MYO1C: variants seen among roughly 807,000 people sequenced by gnomAD.
The protein encoded by MYO1C is myosin IC.
Under a neutral mutation model 150.8 loss-of-function variants are expected in MYO1C, and 104 were observed. The ratio of observed to expected loss-of-function variants is 0.69; its 90% CI spans 0.59 to 0.81. MYO1C has a LOEUF of 0.81. Among genes scored for constraint, MYO1C ranks in the 30% least tolerant of loss-of-function variants. The pLI is 0.00. For missense variants in MYO1C, 1,504 were observed against 1,435.0 expected, an observed-to-expected ratio of 1.05 and a Z score of -0.78; for synonymous variants, 663 against 579.9, an observed-to-expected ratio of 1.14 and a Z score of -2.06.
In MYO1C at chr17:1,470,624, A is replaced by T. The variant is rs147853225; in HGVS notation, c.2278T>A (p.Ser760Thr). 6.2e-7 allele frequency: 1 copy of T among 1,611,472 alleles called. No homozygotes were observed. ...WRQKFLRVKRSAICIQSWWRG... is the reference protein window; with the variant it reads ...WRQKFLRVKRTAICIQSWWRG... ...GAACACCCATGGGCCCGCGAACCTG[A>T]TCTCTTCACCCGGAGGAATTTCTGC... is the stretch of plus-strand genomic sequence containing the variant. The change falls in exon 22 of 32, where the codon TCA becomes ACA. Residue 760 changes from serine (S) to threonine (T), a missense_variant. Ser to Thr is a moderately conservative substitution (Grantham distance 58). Transcript: ENST00000648651.
At chr17:1,466,285 T>C (rs7225098) in intron 31 of MYO1C, among the ~76,000 whole-genome samples, 1,690 of 151,784 alleles carry the variant, frequency 0.011, 34 homozygotes, top group African/African-American at 0.039. Flanking sequence ...CTCAGGCTTC[T>C]GAGCAACTGG....
chr17:1,491,315 G>A (rs529873539), intron 1 of MYO1C: 2 of 152,744 alleles, frequency 1.3e-5, no homozygotes, highest in Non-Finnish European at 2.9e-5. Context: ...AGGCGGAGCA[G>A]GGCTGCGGGC....
chr17:1,488,840 T>C (rs2074697430), intron 1 of MYO1C, among the ~76,000 whole-genome samples: 1 of 152,202 alleles, frequency 6.6e-6, no homozygotes, highest in Non-Finnish European at 1.5e-5. Context: ...AGGCTGCCTC[T>C]GGGTCTTCTC....
intron 31 of MYO1C, among the ~76,000 whole-genome samples, 185 bp from the exon 32 acceptor site, chr17:1,465,937 G>C (rs1314952597): frequency 3.3e-5 from 5 of 152,128 alleles, no homozygotes; most frequent in African/African-American, 7.2e-5. Context: ...TAAGAGTTGG[G>C]ATTACAGGCG....
rs2074226872 is a variant in MYO1C, at chr17:1,468,419, GA to G, written c.2687del (p.Phe896SerfsTer31). 7.4e-6 allele frequency: 12 copies of G among 1,614,110 alleles called. No homozygotes were observed. Among genetic ancestry groups the G allele is most frequent in the Non-Finnish European group, 8.5e-6 (10 of 1,179,970 alleles). On this transcript the variant is annotated frameshift_variant, in exon 26 of 32. Transcript: ENST00000648651. LOFTEE classifies it high-confidence loss of function. The part of the protein sequence containing the change: ...DNYPQSVPRL[F>X]ISTRLGTDEI... ...GGGGCTCACCAAGCCGAGTGCTGAT[GA>G]AGAGCCTGGGTACACTCTGAGGGTA...
chr17:1,481,807 C>T (rs951980319), intron 5 of MYO1C, among the ~76,000 whole-genome samples: 2 of 147,610 alleles, frequency 1.4e-5, no homozygotes, highest in African/African-American at 5.1e-5. Flanking sequence ...AGCCCGATGA[C>T]TCCCCTTCTA....
At chr17:1,484,959 C>G in intron 1 of MYO1C, 1 of 489,568 alleles carries the variant, frequency 2.0e-6, no homozygotes, top group Non-Finnish European at 3.9e-6. Context: ...AGGGGTTCCC[C>G]CAGAGGGCCT....
Position 1,484,259 on chromosome 17 carries a change from G to C in MYO1C, c.120C>G (p.Leu40=), listed in dbSNP as rs747884431. 1 of 1,612,258 alleles carries C rather than the reference G, an allele frequency of 6.2e-7. No individual in the cohort carries two copies. The highest frequency in any genetic ancestry group is 1.1e-5 in the South Asian group (1 of 91,080). The change falls in exon 2 of 32, where the codon CTC becomes CTG. Residue 40 remains leucine, a synonymous_variant. Transcript: ENST00000648651. ...DGVRVTMESA[L]TARDRVGVQD... The stretch of plus-strand genomic sequence containing the variant: ...GCACCCCCACCCGGTCACGGGCGGT[G>C]AGCGCACTCTCCATGGTCACCCGAA...
In MYO1C at chr17:1,483,683, C is replaced by T; in HGVS notation, c.274G>A (p.Asp92Asn). The change falls in exon 3 of 32, where the codon GAC becomes AAC. Residue 92 changes from aspartate (D) to asparagine (N), a missense_variant. Asp to Asn is a conservative substitution (Grantham distance 23, BLOSUM62 1). Transcript: ENST00000648651. ...TGCTGCCGGCTGTAGATCTGCAGGT[C>T]CCGGTAGGGATTGACAGAGACCAGG... is the stretch of plus-strand genomic sequence containing the variant. ...PVLVSVNPYR[D>N]LQIYSRQHME... is the part of the protein sequence containing the mutation. The T allele has an allele frequency of 1.2e-5, 19 of 1,613,214 alleles. No homozygotes were observed. The highest frequency in any genetic ancestry group is 1.6e-5 in the Non-Finnish European group (19 of 1,179,724).
In MYO1C at chr17:1,471,266, C is replaced by G; in HGVS notation, c.2092G>C (p.Val698Leu). The G allele has an allele frequency of 6.2e-7, 1 of 1,613,966 alleles. No homozygotes were observed. The highest frequency in any genetic ancestry group is 8.5e-7 in the Non-Finnish European group (1 of 1,179,996). ...TCTGGCTTGTAGCCCAGGTGTCGGA[C>G]CAGCACAGCCACCCCATCCTGCGGC... ...GRPQDGVAVL[V>L]RHLGYKPEEY... is the part of the protein sequence containing the mutation. The change falls in exon 20 of 32, where the codon GTC becomes CTC. Residue 698 changes from valine (V) to leucine (L), a missense_variant. Coordinates refer to ENST00000648651, the MANE Select transcript of MYO1C (RefSeq NM_001080779.2).
rs2074214589 is a variant in MYO1C at position 1,467,974 on chromosome 17, G to A, written c.2896+14C>T. 6.2e-7 allele frequency: 1 copy of A among 1,612,932 alleles called. No individual in the cohort carries two copies. The highest frequency in any genetic ancestry group is 8.5e-7 in the Non-Finnish European group (1 of 1,179,802). On this transcript the variant is annotated intron_variant, in intron 28 of 31. Coordinates refer to ENST00000648651, the MANE Select transcript of MYO1C (RefSeq NM_001080779.2). ...AGCAGGGCCCTCCCCCTGCAGCCCT[G>A]GACCCTGGCTGACCGGTCAGGTTGG...
Position 1,471,222 on chromosome 17 carries a change from C to G in MYO1C, c.2135+1G>C. ...AGGCACCCGGCACGGACACTACCCA[C>G]CTGCCCATCTTGTACTCTTCTGGCT... On this transcript the variant is annotated splice_donor_variant, in intron 20 of 31. Transcript: ENST00000648651. LOFTEE classifies it high-confidence loss of function. 1.2e-6 allele frequency: 2 copies of G among 1,613,988 alleles called. No homozygotes were observed. The highest frequency in any genetic ancestry group is 1.7e-6 in the Non-Finnish European group (2 of 1,179,964).
chr17:1,475,649 C>G (rs963284456), intron 14 of MYO1C, among the ~76,000 whole-genome samples: 2 of 152,264 alleles, frequency 1.3e-5, no homozygotes, highest in African/African-American at 4.8e-5. Context: ...AGAATGGAAT[C>G]TGCTGCCCCA....
intron 1 of MYO1C, chr17:1,491,576 C>A: frequency 4.1e-6 from 4 of 971,148 alleles, no homozygotes; most frequent in Non-Finnish European, 4.9e-6. Context: ...CCGCGGCCGC[C>A]GTCCCCGCGC....
chr17:1,469,607 T>C lies in MYO1C; in HGVS notation c.2534A>G (p.Glu845Gly), dbSNP rs765402777. 12 of 1,611,756 alleles carry C rather than the reference T, an allele frequency of 7.4e-6. No individual in the cohort carries two copies. Among genetic ancestry groups the C allele is most frequent in the Non-Finnish European group, 9.3e-6 (11 of 1,178,988 alleles). The stretch of plus-strand genomic sequence containing the variant: ...CTTTATGCACAACTCCCGCAGAAGC[T>C]CTGAGGCCTAAGGGGAGGAGTGAGG... ...TPPPALREAS[E>G]LLRELCIKNM... Residue 845 changes from glutamate (E) to glycine (G), a missense_variant, in exon 25 of 32, where the codon GAG (glutamate) becomes GGG (glycine). Glu to Gly is a moderately conservative substitution (Grantham distance 98). Coordinates refer to ENST00000648651, the MANE Select transcript of MYO1C (RefSeq NM_001080779.2).
In MYO1C at chr17:1,483,594, G is replaced by T; in HGVS notation, c.347+16C>A. 6.3e-7 allele frequency: 1 copy of T among 1,588,296 alleles called. No individual in the cohort carries two copies. Among genetic ancestry groups the T allele is most frequent in the South Asian group, 1.1e-5 (1 of 88,604 alleles). On this transcript the variant is annotated intron_variant, in intron 3 of 31. Transcript: ENST00000648651. ...GAGACAGAGGGGTCGCTCCCGGAGGGGCTGGGGTCACTCACAGGTGAGGGG... is the reference window on the plus strand; with the variant it reads ...GAGACAGAGGGGTCGCTCCCGGAGGTGCTGGGGTCACTCACAGGTGAGGGG...
intron 25 of MYO1C, 129 bp downstream of exon 25, chr17:1,469,402 G>C: frequency 1.1e-6 from 1 of 921,556 alleles, no homozygotes; most frequent in Non-Finnish European, 1.7e-6. Context: ...GTAGATCGGG[G>C]TAAATACGGT....
intron 31 of MYO1C, among the ~76,000 whole-genome samples, chr17:1,465,964 G>A (rs900881632): frequency 6.6e-6 from 1 of 152,092 alleles, no homozygotes; most frequent in African/African-American, 2.4e-5. Flanking sequence ...GCCGCACCCA[G>A]CCCCAGCGCT....
intron 1 of MYO1C, chr17:1,485,716 C>T (rs1332435398): frequency 3.4e-6 from 4 of 1,175,320 alleles, no homozygotes; most frequent in Non-Finnish European, 4.2e-6. Context: ...GCGCATCCTG[C>T]CCGGCCGGCC....
Sources: gnomAD v4.1 joint callset for allele counts (sites outside exome capture counted in the v4.1 genomes callset) on GRCh38, gnomAD v4.1.1 for gene constraint, MANE v1.5 for transcripts, NCBI Gene and HGNC (gene_info 2026-07-23, HGNC 2026-07-21) for gene names.